MYOM2: variants seen among roughly 807,000 people sequenced by gnomAD.
MYOM2 encodes myomesin-2.
Under a neutral mutation model 187.6 loss-of-function variants are expected in MYOM2, and 254 were observed. The ratio of observed to expected loss-of-function variants is 1.35; its 90% CI spans 1.22 to 1.50. MYOM2 has a LOEUF of 1.50. Among genes scored for constraint, MYOM2 ranks in the 40% most tolerant of loss-of-function variants. MYOM2 has a pLI of 0.00. For missense variants in MYOM2, 2,796 were observed against 1,924.0 expected (o/e 1.45, Z -8.48); for synonymous variants, 981 against 753.8 (o/e 1.30, Z -4.94).
At chr8:2,129,889 C>G (rs1357039862) in intron 32 of MYOM2, among the ~76,000 whole-genome samples, 1 of 143,824 alleles carries the variant, frequency 7.0e-6, no homozygotes, top group African/African-American at 2.5e-5. Flanking sequence ...CAAAACAGGA[C>G]TCGCATCAGG....
At chr8:2,097,122 G>C in intron 18 of MYOM2, 1 of 982,258 alleles carries the variant, frequency 1.0e-6, no homozygotes, top group Non-Finnish European at 1.2e-6. Flanking sequence ...CACTCCAACA[G>C]GAGGGCTTTC....
intron 25 of MYOM2, among the ~76,000 whole-genome samples, chr8:2,114,526 T>TGTGACAG (rs1797172709): frequency 6.6e-6 from 1 of 152,160 alleles, no homozygotes; most frequent in African/African-American, 2.4e-5. Context: ...CAGGCTGGAG[T>TGTGACAG]GCAGTGACTG....
intron 6 of MYOM2, among the ~76,000 whole-genome samples, chr8:2,063,993 G>C (rs1489022301): frequency 6.6e-6 from 1 of 152,254 alleles, no homozygotes; most frequent in African/African-American, 2.4e-5. Context: ...GACTGGGGGT[G>C]AGCTGAGTGC....
chr8:2,076,542 A>C, intron 11 of MYOM2: 20 of 449,462 alleles, frequency 4.4e-5, no homozygotes, highest in East Asian at 8.5e-5. Context: ...CCAGTAACCA[A>C]TCCCACCAAC....
chr8:2,090,166 C>T lies in MYOM2; in HGVS notation c.1803C>T (p.Ser601=), dbSNP rs1796248085. The T allele has an allele frequency of 2.5e-6, 4 of 1,613,732 alleles. No homozygotes were observed. Among genetic ancestry groups the T allele is most frequent in the Non-Finnish European group, 3.4e-6 (4 of 1,179,878 alleles). ...HGLSEPSEIT[S]PIQAQDVTVV... ...TGAGCGAACCTTCGGAGATAACGTC[C>T]CCCATTCAGGCCCAGGATGTGACCG... Residue 601 remains serine, a synonymous_variant, in exon 15 of 37, where the codon TCC becomes TCT. Coordinates refer to ENST00000262113, the MANE Select transcript of MYOM2 (RefSeq NM_003970.4).
intron 2 of MYOM2, 119 bp from the exon 3 acceptor site, chr8:2,052,039 G>T: frequency 8.1e-7 from 1 of 1,236,466 alleles, no homozygotes; most frequent in Non-Finnish European, 1.2e-6. Context: ...GTGTGTGTTT[G>T]TGTGTGCTCT....
At chr8:2,108,534 T>C (rs1358299269) in intron 23 of MYOM2, among the ~76,000 whole-genome samples, 2 of 152,176 alleles carry the variant, frequency 1.3e-5, no homozygotes, top group African/African-American at 2.4e-5. Flanking sequence ...TACCTACCCC[T>C]GCCCCCAATT....
At chr8:2,136,662 C>G (rs1033071921) in intron 32 of MYOM2, among the ~76,000 whole-genome samples, 13 of 152,172 alleles carry the variant, frequency 8.5e-5, no homozygotes, top group African/African-American at 2.9e-4. Flanking sequence ...GCTGCCCAGC[C>G]GGTGTGTCCA....
intron 17 of MYOM2, among the ~76,000 whole-genome samples, chr8:2,094,504 C>T (rs1415321456): frequency 1.3e-5 from 2 of 152,026 alleles, no homozygotes; most frequent in Non-Finnish European, 2.9e-5. Flanking sequence ...ATACAAAAAT[C>T]AGCCTGGCAT....
At chr8:2,121,980 G>A (rs189538392) in intron 28 of MYOM2, among the ~76,000 whole-genome samples, 22 of 152,248 alleles carry the variant, frequency 1.4e-4, no homozygotes, top group Admixed American at 9.8e-4. Flanking sequence ...AATTAGAACC[G>A]TCTCCCCCAA....
intron 5 of MYOM2, among the ~76,000 whole-genome samples, chr8:2,058,414 G>T (rs1818745980): frequency 6.6e-6 from 1 of 152,150 alleles, no homozygotes; most frequent in African/African-American, 2.4e-5. Context: ...CACAAAACTG[G>T]AAAGTCTGCT....
chr8:2,115,963 C>T lies in MYOM2; in HGVS notation c.3184C>T (p.His1062Tyr). 1 of 1,608,074 alleles carries T rather than the reference C, an allele frequency of 6.2e-7. No homozygotes were observed. ...ATTTCCCTTGTTTTGCTTGCAGATACACAGAATTAAATGTGACAAAGCTAC... is the reference window on the plus strand; with the variant it reads ...ATTTCCCTTGTTTTGCTTGCAGATATACAGAATTAAATGTGACAAAGCTAC... ...NDREVSDSEI[H>Y]RIKCDKATGI... is the part of the protein sequence containing the mutation. Residue 1062 changes from histidine to tyrosine, a missense_variant, in exon 26 of 37, where the codon CAC becomes TAC. His to Tyr is a moderately conservative substitution (Grantham distance 83). Transcript: ENST00000262113.
intron 13 of MYOM2, 81 bp from the exon 14 acceptor site, chr8:2,085,182 G>A (rs945552647): frequency 6.6e-7 from 1 of 1,523,032 alleles, no homozygotes; most frequent in African/African-American, 1.4e-5. Flanking sequence ...CCACGTGGCA[G>A]AGTCCTCCAG....
chr8:2,104,952 G>C (rs1177108850), intron 21 of MYOM2, among the ~76,000 whole-genome samples: 1 of 152,120 alleles, frequency 6.6e-6, no homozygotes, highest in Non-Finnish European at 1.5e-5. Flanking sequence ...TTATTATTCT[G>C]TTTTTTATAG....
chr8:2,137,190 G>T (rs187133414), intron 32 of MYOM2, among the ~76,000 whole-genome samples: 15 of 151,616 alleles, frequency 9.9e-5, no homozygotes, highest in African/African-American at 3.4e-4. Flanking sequence ...TGAGTTAATG[G>T]TGATCAAGAA....
intron 32 of MYOM2, among the ~76,000 whole-genome samples, chr8:2,135,607 C>G (rs1798041674): frequency 6.6e-6 from 1 of 152,140 alleles, no homozygotes; most frequent in Non-Finnish European, 1.5e-5. Flanking sequence ...GAAACGTGTG[C>G]TTTCTTCTAT....
chr8:2,095,733 C>G (rs779231547), intron 17 of MYOM2, among the ~76,000 whole-genome samples: 3 of 152,140 alleles, frequency 2.0e-5, no homozygotes, highest in Non-Finnish European at 4.4e-5. Context: ...GAAGGCGGTC[C>G]GTTTCAAATG....
At chr8:2,096,125 A>T in intron 17 of MYOM2, 122 bp from the exon 18 acceptor site, 1 of 858,440 alleles carries the variant, frequency 1.2e-6, no homozygotes, top group Non-Finnish European at 1.8e-6. Flanking sequence ...ATCAGAGGGC[A>T]CAGTGTTCAG....
At chr8:2,142,974 T>C (rs1798328903) in intron 35 of MYOM2, among the ~76,000 whole-genome samples, 1 of 152,008 alleles carries the variant, frequency 6.6e-6, no homozygotes, top group African/African-American at 2.4e-5. Context: ...CAGGCTGGTC[T>C]CTAACTCCTG....
Sources: allele counts gnomAD v4.1 joint callset (sites outside exome capture counted in the v4.1 genomes callset), GRCh38; gene constraint gnomAD v4.1.1; transcripts MANE v1.5; gene names NCBI Gene and HGNC (gene_info 2026-07-23, HGNC 2026-07-21).